PLA2G4C: variants seen among roughly 807,000 people sequenced by gnomAD.
PLA2G4C encodes cytosolic phospholipase A2 gamma.
PLA2G4C carries 64 observed loss-of-function variants against 73.8 expected under a neutral mutation model. The ratio of observed to expected loss-of-function variants is 0.87; its 90% CI spans 0.71 to 1.07. The LOEUF is 1.07. Ranked by LOEUF, PLA2G4C falls within the 50% of genes least tolerant of loss-of-function variation. The pLI, the probability that PLA2G4C is intolerant of heterozygous loss-of-function variation, is 0.00. For synonymous variants in PLA2G4C, 254 were observed against 252.1 expected (o/e 1.01, Z -0.07); for missense variants, 622 against 665.4 (o/e 0.93, Z 0.72).
At chr19:48,067,715 G>T in intron 13 of PLA2G4C, 76 bp downstream of exon 13, 1 of 985,610 alleles carries the variant, frequency 1.0e-6, no homozygotes, top group Non-Finnish European at 1.6e-6. Context: ...GATTGTTTCA[G>T]GCCCACCCCC....
At chr19:48,092,294 C>T (rs1452148768) in intron 7 of PLA2G4C, among the ~76,000 whole-genome samples, 1 of 152,176 alleles carries the variant, frequency 6.6e-6, no homozygotes, top group Admixed American at 6.5e-5. Flanking sequence ...GGTGATCCAC[C>T]CGCCTCGGCC....
rs1442620248 is a variant in PLA2G4C, at chr19:48,090,376, C to A, written c.751G>T (p.Glu251Ter). ...SALGNTEVIR[E>*]YIFDQLRNLT... Reference sequence around the variant, plus strand: ...CCCAAATACTCACCAAAAATGTATTCCCTAATGACTTCAGTGTTACCAAGA... The same window carrying A: ...CCCAAATACTCACCAAAAATGTATTACCTAATGACTTCAGTGTTACCAAGA... The change falls in exon 8 of 17, where the codon GAA (glutamate) becomes TAA (stop). Residue 251 changes from glutamate (E) to a stop codon, truncating the protein, a stop_gained. Coordinates refer to ENST00000599921, the MANE Select transcript of PLA2G4C (RefSeq NM_003706.3). LOFTEE classifies it high-confidence loss of function. The A allele has an allele frequency of 3.1e-6, 5 of 1,611,330 alleles. No homozygotes were observed. Among genetic ancestry groups the A allele is most frequent in the Non-Finnish European group, 4.2e-6 (5 of 1,177,592 alleles).
At chr19:48,070,608 C>T (rs965904207) in intron 12 of PLA2G4C, among the ~76,000 whole-genome samples, 2 of 152,192 alleles carry the variant, frequency 1.3e-5, no homozygotes, top group Non-Finnish European at 2.9e-5. Context: ...AGGGATGGAG[C>T]TGGAAGCCAT....
chr19:48,097,773 T>G, intron 6 of PLA2G4C: 2 of 178,940 alleles, frequency 1.1e-5, no homozygotes, highest in Non-Finnish European at 2.3e-5. Flanking sequence ...TGTTTTTTTG[T>G]TTTGTTTTGT....
chr19:48,049,561 G>A (rs931696774), intron 16 of PLA2G4C, among the ~76,000 whole-genome samples: 3 of 152,178 alleles, frequency 2.0e-5, no homozygotes, highest in African/African-American at 4.8e-5. Context: ...ATGCAGCCAC[G>A]GCTGCAGGAC....
chr19:48,050,963 C>T (rs544685302), intron 16 of PLA2G4C, among the ~76,000 whole-genome samples: 36 of 152,226 alleles, frequency 2.4e-4, no homozygotes, highest in Admixed American at 1.8e-3. Context: ...GTGTGAGCCA[C>T]GGCTCCTGGC....
At chr19:48,083,621 AT>A (rs1408782659) in intron 10 of PLA2G4C, among the ~76,000 whole-genome samples, 6 of 150,438 alleles carry the variant, frequency 4.0e-5, no homozygotes, top group Non-Finnish European at 8.9e-5. Context: ...CTAATTTTGT[AT>A]TTTTAGTAGA....
At chr19:48,079,982 A>C (rs7251954) in intron 10 of PLA2G4C, among the ~76,000 whole-genome samples, 53,587 of 152,058 alleles carry the variant, frequency 0.35, 11,384 homozygotes, top group South Asian at 0.46. Context: ...AATATATGGG[A>C]CCTGAGTAAA....
Position 48,104,312 on chromosome 19 carries a change from C to T in PLA2G4C, c.257+276G>A. On this transcript the variant is annotated intron_variant, in intron 4 of 16. Coordinates refer to ENST00000599921, the MANE Select transcript of PLA2G4C (RefSeq NM_003706.3). ...GGCGGAAGCTGTGGGAAACCCCAAACTATTGCCAGTCGGTCAGAAGCACCA... is the reference window on the plus strand; with the variant it reads ...GGCGGAAGCTGTGGGAAACCCCAAATTATTGCCAGTCGGTCAGAAGCACCA... 8.2e-6 allele frequency: 3 copies of T among 364,434 alleles called. No homozygotes were observed. In the South Asian group the frequency reaches 1.0e-4, roughly 13 times the overall value. 22.6% of individuals were successfully genotyped at this position (364,434 alleles called of 1,614,324 possible).
intron 1 of PLA2G4C, among the ~76,000 whole-genome samples, chr19:48,109,348 T>G (rs2032375297): frequency 6.6e-6 from 1 of 152,184 alleles, no homozygotes; most frequent in Non-Finnish European, 1.5e-5. Flanking sequence ...CGTGGCTCAC[T>G]GCAGCCTCAG....
At chr19:48,086,083 C>T (rs1168754237) in intron 9 of PLA2G4C, among the ~76,000 whole-genome samples, 1 of 152,180 alleles carries the variant, frequency 6.6e-6, no homozygotes. Flanking sequence ...AACTTCTCCA[C>T]CCACATGGGG....
chr19:48,104,340 G>A (rs770444790), intron 4 of PLA2G4C: 4 of 415,288 alleles, frequency 9.6e-6, no homozygotes. Context: ...AAGCACCAGC[G>A]GCTAGGTAAT....
At chr19:48,075,366 T>C (rs2030079619) in intron 11 of PLA2G4C, among the ~76,000 whole-genome samples, 1 of 151,804 alleles carries the variant, frequency 6.6e-6, no homozygotes, top group South Asian at 2.1e-4. Flanking sequence ...TTTGTATTTT[T>C]AGTACTGATG....
At chr19:48,083,657 G>T (rs2030789184) in intron 10 of PLA2G4C, among the ~76,000 whole-genome samples, 1 of 151,784 alleles carries the variant, frequency 6.6e-6, no homozygotes, top group Non-Finnish European at 1.5e-5. Context: ...ACGTTGGTCA[G>T]GCTGGTCTCA....
At position 48,110,546 on chromosome 19, in the gene PLA2G4C, T is replaced by A. The variant is rs1429633452; in HGVS notation, c.-92A>T. On this transcript the variant is annotated 5_prime_UTR_variant, in exon 1 of 17. Transcript: ENST00000599921. ...GTGGAGCTTGTGCTCCGGAATCCGGTGCGGAGGCTTGGGCTCCCTGCGCTT... is the reference window on the plus strand; with the variant it reads ...GTGGAGCTTGTGCTCCGGAATCCGGAGCGGAGGCTTGGGCTCCCTGCGCTT... The A allele has an allele frequency of 1.3e-6, 2 of 1,528,042 alleles. No individual in the cohort carries two copies. The highest frequency in any genetic ancestry group is 1.8e-6 in the Non-Finnish European group (2 of 1,140,632). 94.7% of individuals were successfully genotyped at this position (1,528,042 alleles called of 1,614,324 possible).
rs202170365 is a variant in PLA2G4C, at chr19:48,067,781, G to A, written c.1102+10C>T. The A allele has an allele frequency of 3.8e-4, 588 of 1,561,402 alleles. No individual in the cohort carries two copies. The highest frequency in any genetic ancestry group is 4.8e-4 in the Non-Finnish European group (543 of 1,132,174). On this transcript the variant is annotated intron_variant, in intron 13 of 16. Coordinates refer to ENST00000599921, the MANE Select transcript of PLA2G4C (RefSeq NM_003706.3). ...GACAGACCAGGGCGGTGGGAAGAGG[G>A]TCTTCTCACCGTGTTTGTACAGGAA...
intron 14 of PLA2G4C, 32 bp downstream of exon 14, chr19:48,061,966 C>A: frequency 6.2e-7 from 1 of 1,610,896 alleles, no homozygotes; most frequent in South Asian, 1.1e-5. Flanking sequence ...CACCTCCCAC[C>A]CAGGACCGGC....
rs550714121 is a variant in PLA2G4C at position 48,106,504 on chromosome 19, A to C, written c.8+18T>G. 1 of 1,591,768 alleles carries C rather than the reference A, an allele frequency of 6.3e-7. No individual in the cohort carries two copies. The highest frequency in any genetic ancestry group is 1.1e-5 in the South Asian group (1 of 90,604). On this transcript the variant is annotated intron_variant, in intron 2 of 16. Coordinates refer to ENST00000599921, the MANE Select transcript of PLA2G4C (RefSeq NM_003706.3). ...AATGCTCTGCTTCCCCATAGTGGTC[A>C]GCTCTAAGAGGACTTACCTTCCCAT...
intron 2 of PLA2G4C, among the ~76,000 whole-genome samples, chr19:48,105,941 CCCTCCCTTCTTTCTTT>C (rs2032201819): frequency 4.0e-4 from 4 of 9,896 alleles, no homozygotes; most frequent in Admixed American, 3.0e-3. Flanking sequence ...CTCCCTCCCT[CCCTCCCTTCTTTCTTT>C]CTTTCTTTCT....
Sources: allele counts gnomAD v4.1 joint callset (sites outside exome capture counted in the v4.1 genomes callset), GRCh38; gene constraint gnomAD v4.1.1; transcripts MANE v1.5; gene names NCBI Gene and HGNC (gene_info 2026-07-23, HGNC 2026-07-21).